CTBP2: variants seen among roughly 807,000 people sequenced by gnomAD.
CTBP2 encodes C-terminal binding protein 2.
CTBP2 carries 30 observed loss-of-function variants against 80.3 expected under a neutral mutation model. The ratio of observed to expected loss-of-function variants is 0.37; its 90% CI spans 0.28 to 0.51. The LOEUF (loss-of-function observed/expected upper bound fraction) is 0.51, where lower values mean the gene tolerates loss of function less well. Ranked by LOEUF, CTBP2 falls within the 20% of genes least tolerant of loss-of-function variation. The pLI is 0.93. For synonymous variants in CTBP2, 594 were observed against 587.4 expected (o/e 1.01, Z -0.16); for missense variants, 1,212 against 1,375.3 (o/e 0.88, Z 1.88).
upstream of CTBP2, among the ~76,000 whole-genome samples, chr10:125,030,197 C>T (rs1390782092): frequency 6.6e-6 from 1 of 152,054 alleles, no homozygotes; most frequent in Non-Finnish European, 1.5e-5. Context: ...GAAAGGACTG[C>T]TTTTCTTAAA....
In CTBP2 at chr10:125,028,053, C is replaced by T. The variant is rs892065316; in HGVS notation, c.-294G>A. The T allele has an allele frequency of 5.6e-6, 3 of 538,644 alleles. No homozygotes were observed. Among genetic ancestry groups the T allele is most frequent in the South Asian group, 7.4e-5 (2 of 26,926 alleles). The allele number at this position is 538,644 out of a possible 1,614,324, so 33.4% of individuals were successfully genotyped here. ...GCTGTCCCCAGCCTGCCAGGTCCCCCTTCCTGGCTGGTGTGCTCACATGGA... is the reference window on the plus strand; with the variant it reads ...GCTGTCCCCAGCCTGCCAGGTCCCCTTTCCTGGCTGGTGTGCTCACATGGA... On this transcript the variant is annotated 5_prime_UTR_variant, in exon 1 of 9. Transcript: ENST00000309035.
intron 1 of CTBP2, among the ~76,000 whole-genome samples, chr10:125,149,957 C>T (rs1214277830): frequency 6.6e-6 from 1 of 152,262 alleles, no homozygotes; most frequent in Non-Finnish European, 1.5e-5. Flanking sequence ...GCCCACACCA[C>T]ACGGATGCAG....
intron 2 of CTBP2, among the ~76,000 whole-genome samples, chr10:125,075,671 G>A (rs991056761): frequency 1.3e-5 from 2 of 152,158 alleles, no homozygotes; most frequent in Non-Finnish European, 2.9e-5. Flanking sequence ...GAACTTAAGA[G>A]AATACCCAAA....
At chr10:125,123,125 T>A (rs1854609874) in intron 1 of CTBP2, among the ~76,000 whole-genome samples, 1 of 152,220 alleles carries the variant, frequency 6.6e-6, no homozygotes, top group Non-Finnish European at 1.5e-5. Flanking sequence ...AACTGGGTCT[T>A]AGAAGCTGGT....
Position 124,987,793 on chromosome 10 carries a change from A to G in CTBP2, c.*1725T>C, listed in dbSNP as rs1952093843. ...TTAATTGGGAAGGGAAGTATAAGGA[A>G]GAGCTCAGAGGGAGTTTCATACCTG... On this transcript the variant is annotated 3_prime_UTR_variant, in exon 9 of 9. Coordinates refer to ENST00000309035, the MANE Select transcript of CTBP2 (RefSeq NM_022802.3). The G allele has an allele frequency of 6.6e-6, 1 of 152,206 alleles. No homozygotes were observed. Among genetic ancestry groups the G allele is most frequent in the African/African-American group, 2.4e-5 (1 of 41,452 alleles). The allele number at this position is 152,206 out of a possible 1,614,324, so 9.4% of individuals were successfully genotyped here.
At position 125,136,196 on chromosome 10, in the gene CTBP2, A is replaced by AG. The variant is rs1340782753; in HGVS notation, c.-206+24122dup. The stretch of plus-strand genomic sequence containing the variant: ...ACGAAGGGGCTGGAGGGACCCAGGC[A>AG]GGGGGCGGCCTCCTAGGGGAGGGTG... On this transcript the variant is annotated intron_variant, in intron 1 of 10. Coordinates refer to the CTBP2 transcript ENST00000337195. 3.3e-5 allele frequency among the ~76,000 whole-genome samples: 5 copies of AG among 152,286 alleles called. No homozygotes were observed. In the East Asian group the frequency reaches 9.7e-4, roughly 29 times the overall value.
chr10:125,152,932 T>C (rs1860259227), intron 1 of CTBP2, among the ~76,000 whole-genome samples: 1 of 152,154 alleles, frequency 6.6e-6, no homozygotes, highest in African/African-American at 2.4e-5. Flanking sequence ...CACCCCCCAC[T>C]GGGAAGAAAA....
chr10:125,062,057 G>T (rs974652492), intron 2 of CTBP2, among the ~76,000 whole-genome samples: 2 of 152,174 alleles, frequency 1.3e-5, no homozygotes, highest in Admixed American at 6.5e-5. Context: ...CTAAACTCCT[G>T]TGTGTTTCAC....
At chr10:125,096,418 G>A (rs1268397837) in intron 2 of CTBP2, among the ~76,000 whole-genome samples, 2 of 152,110 alleles carry the variant, frequency 1.3e-5, no homozygotes, top group African/African-American at 2.4e-5. Flanking sequence ...TGAGACTATC[G>A]CCTCATGAAT....
At chr10:125,007,755 A>G (rs1261220394) in intron 1 of CTBP2, among the ~76,000 whole-genome samples, 1 of 152,186 alleles carries the variant, frequency 6.6e-6, no homozygotes, top group Non-Finnish European at 1.5e-5. Context: ...GTCTTCCTAG[A>G]CACTGTGTGA....
chr10:125,109,808 C>A (rs559876850), intron 2 of CTBP2, among the ~76,000 whole-genome samples: 1 of 152,234 alleles, frequency 6.6e-6, no homozygotes, highest in African/African-American at 2.4e-5. Flanking sequence ...TCCACCTGTT[C>A]GATTCACAGA....
intron 1 of CTBP2, among the ~76,000 whole-genome samples, chr10:125,130,019 G>A (rs898746829): frequency 6.6e-6 from 1 of 150,758 alleles, no homozygotes; most frequent in East Asian, 2.0e-4. Flanking sequence ...GAACCCCCAG[G>A]TATAGCCCAC....
intron 1 of CTBP2, among the ~76,000 whole-genome samples, chr10:125,154,032 G>A (rs1266309336): frequency 6.6e-6 from 1 of 152,244 alleles, no homozygotes; most frequent in Non-Finnish European, 1.5e-5. Context: ...ATGAGACACA[G>A]AAATATTGCC....
intron 2 of CTBP2, among the ~76,000 whole-genome samples, chr10:125,052,730 A>T (rs1051310346): frequency 1.3e-5 from 2 of 152,196 alleles, no homozygotes; most frequent in African/African-American, 4.8e-5. Flanking sequence ...CTCCAGCAGG[A>T]ATCTGGGGTC....
chr10:125,091,319 C>T (rs999752974), intron 2 of CTBP2, among the ~76,000 whole-genome samples: 3 of 152,294 alleles, frequency 2.0e-5, no homozygotes, highest in East Asian at 1.9e-4. Context: ...TGCACTTGTA[C>T]GTCCTGGTAA....
intron 1 of CTBP2, among the ~76,000 whole-genome samples, chr10:125,005,372 T>G (rs1456623147): frequency 3.9e-5 from 6 of 151,980 alleles, no homozygotes; most frequent in Admixed American, 2.6e-4. Context: ...CACCTGACGC[T>G]CAGACACCAA....
intron 2 of CTBP2, among the ~76,000 whole-genome samples, chr10:125,080,954 T>TAAA (rs11392481): frequency 7.1e-5 from 10 of 140,938 alleles, no homozygotes; most frequent in African/African-American, 2.4e-4. Context: ...GTACAGGACT[T>TAAA]AAAAAAAAAA....
intron 2 of CTBP2, 39 bp from the exon 5 acceptor site, chr10:125,003,143 G>A (rs374514317): frequency 1.6e-5 from 25 of 1,611,502 alleles, no homozygotes; most frequent in Admixed American, 5.0e-5. Context: ...GCCCCACCCC[G>A]TGCAGCCCAC....
At chr10:125,088,939 A>G (rs937335379) in intron 2 of CTBP2, among the ~76,000 whole-genome samples, 1 of 152,202 alleles carries the variant, frequency 6.6e-6, no homozygotes, top group East Asian at 1.9e-4. Flanking sequence ...GATAAATACC[A>G]AACAGAACCA....
Sources: gnomAD v4.1 joint callset for allele counts (sites outside exome capture counted in the v4.1 genomes callset) on GRCh38, gnomAD v4.1.1 for gene constraint, MANE v1.5 for transcripts, NCBI Gene and HGNC (gene_info 2026-07-23, HGNC 2026-07-21) for gene names.